The following VWA5B1 variants were observed in gnomAD, a reference collection of about 807,000 sequenced individuals.
VWA5B1 encodes von Willebrand factor A domain-containing protein 5B1.
A neutral mutation model predicts 118.2 loss-of-function variants in VWA5B1; 115 were observed. The ratio of observed to expected loss-of-function variants is 0.97; its 90% CI spans 0.84 to 1.14. The LOEUF (loss-of-function observed/expected upper bound fraction) is 1.14. VWA5B1 is among the 50% of genes most tolerant of loss of function. The pLI is 0.00. For missense variants in VWA5B1, 1,596 were observed against 1,603.8 expected (o/e 1.00, Z 0.08); for synonymous variants, 682 against 658.4 (o/e 1.04, Z -0.55).
intron 1 of VWA5B1, 150 bp from the exon 2 acceptor site, chr1:20,310,426 C>T (rs1213437437): frequency 1.8e-5 from 13 of 722,066 alleles, no homozygotes; most frequent in East Asian, 6.1e-5. Flanking sequence ...AGTTATCCTG[C>T]GGTCACTTCC....
rs532104369 is a variant in VWA5B1, at chr1:20,354,320, G to A, written c.*57G>A. ...GGTGGGGAGGAGAGGGATGGGCAGGGCCATGTCGGCCTGGTTTCGGGGAGC... is the reference window on the plus strand; with the variant it reads ...GGTGGGGAGGAGAGGGATGGGCAGGACCATGTCGGCCTGGTTTCGGGGAGC... On this transcript the variant is annotated 3_prime_UTR_variant, in exon 22 of 22. Transcript: ENST00000289815. 4.2e-5 allele frequency: 62 copies of A among 1,480,772 alleles called. No homozygotes were observed. Among genetic ancestry groups the A allele is most frequent in the Non-Finnish European group, 5.1e-5 (57 of 1,109,406 alleles). 91.7% of individuals were successfully genotyped at this position (1,480,772 alleles called of 1,614,324 possible).
chr1:20,318,356 C>T (rs2089091767), intron 5 of VWA5B1: 1 of 602,908 alleles, frequency 1.7e-6, no homozygotes, highest in Admixed American at 2.6e-5. Flanking sequence ...CCTCCGACCC[C>T]CACTAGATCC....
rs1037050972 is a variant in VWA5B1 at position 20,314,407 on chromosome 1, C to A, written c.378C>A (p.Ile126=). The A allele has an allele frequency of 3.2e-6, 5 of 1,552,016 alleles. No individual in the cohort carries two copies. The highest frequency in any genetic ancestry group is 4.4e-6 in the Non-Finnish European group (5 of 1,147,076). ...CCTTGGACGAGGATTTGGAGCGGAT[C>A]CTGTTCGTGGCCAACCTGGGGACCA... ...KVTLDEDLER[I]LFVANLGTIA... The change falls in exon 4 of 22, where the codon ATC becomes ATA. Residue 126 remains isoleucine (I), a synonymous_variant. Coordinates refer to ENST00000289815, the MANE Select transcript of VWA5B1 (RefSeq NM_001039500.3).
chr1:20,350,133 C>T, intron 18 of VWA5B1, 23 bp from the exon 19 acceptor site: 1 of 1,549,972 alleles, frequency 6.5e-7, no homozygotes, highest in Non-Finnish European at 8.7e-7. Context: ...AGAGGTCCAG[C>T]CTCACTGGCT....
Position 20,310,691 on chromosome 1 carries a change from C to T in VWA5B1, c.90C>T (p.Gly30=), listed in dbSNP as rs1425643627. The change falls in exon 2 of 22, where the codon GGC becomes GGT. Residue 30 remains glycine, a synonymous_variant. Transcript: ENST00000289815. ...VTSCVSGYAL[G]LTASLTYGNL... Reference sequence around the variant, plus strand: ...CCTGTGTCAGCGGTTATGCCCTGGGCCTAACTGCCTCCCTCACCTATGGCA... The same window carrying T: ...CCTGTGTCAGCGGTTATGCCCTGGGTCTAACTGCCTCCCTCACCTATGGCA... 3.2e-6 allele frequency: 5 copies of T among 1,550,898 alleles called. No homozygotes were observed. Among genetic ancestry groups the T allele is most frequent in the Non-Finnish European group, 4.4e-6 (5 of 1,146,778 alleles).
intron 12 of VWA5B1, among the ~76,000 whole-genome samples, chr1:20,334,550 C>T (rs148293549): frequency 0.11 from 16,289 of 152,274 alleles, 1,002 homozygotes; most frequent in Admixed American, 0.14. Context: ...ATGGCTCACG[C>T]CTATAATCCC....
At chr1:20,349,996 A>C (rs1484667226) in intron 18 of VWA5B1, among the ~76,000 whole-genome samples, 160 bp from the exon 19 acceptor site, 1 of 152,022 alleles carries the variant, frequency 6.6e-6, no homozygotes, top group African/African-American at 2.4e-5. Context: ...CAACGGTTAT[A>C]TCTGTGAAAG....
chr1:20,292,410 A>G (rs1485341186), intron 1 of VWA5B1, among the ~76,000 whole-genome samples: 2 of 152,114 alleles, frequency 1.3e-5, no homozygotes, highest in African/African-American at 4.8e-5. Flanking sequence ...GGCTGAGCAC[A>G]TGTGCATGTG....
At chr1:20,311,005 T>C (rs2088832570) in intron 2 of VWA5B1, among the ~76,000 whole-genome samples, 1 of 152,154 alleles carries the variant, frequency 6.6e-6, no homozygotes, top group Non-Finnish European at 1.5e-5. Context: ...CAGAGTCTCA[T>C]TCTGTCGCCC....
chr1:20,341,448 T>C (rs967806533), intron 14 of VWA5B1, among the ~76,000 whole-genome samples: 2 of 152,238 alleles, frequency 1.3e-5, no homozygotes, highest in Non-Finnish European at 1.5e-5. Context: ...ACTCTGTCTT[T>C]CCATTGACCA....
chr1:20,318,786 G>A (rs2089112247), intron 6 of VWA5B1, 65 bp downstream of exon 6: 6 of 1,430,990 alleles, frequency 4.2e-6, no homozygotes, highest in South Asian at 1.5e-5. Flanking sequence ...ATCCTGTGGG[G>A]ACAGAACATG....
At chr1:20,323,608 C>T in intron 8 of VWA5B1, 76 bp downstream of exon 8, 13 of 1,275,668 alleles carry the variant, frequency 1.0e-5, no homozygotes, top group Non-Finnish European at 1.3e-5. Flanking sequence ...ATCCAGCTTC[C>T]TCAGCACTTT....
At chr1:20,291,669 C>G (rs995620510) in intron 1 of VWA5B1, among the ~76,000 whole-genome samples, 12 of 152,120 alleles carry the variant, frequency 7.9e-5, no homozygotes, top group African/African-American at 2.9e-4. Context: ...ACCCCGGCAG[C>G]CGGGCTCATG....
intron 1 of VWA5B1, among the ~76,000 whole-genome samples, chr1:20,301,710 T>C (rs941345388): frequency 6.6e-6 from 1 of 152,168 alleles, no homozygotes; most frequent in African/African-American, 2.4e-5. Flanking sequence ...CGAAGCCACA[T>C]AGAGAATTTA....
chr1:20,304,435 G>A (rs1366069472), intron 1 of VWA5B1, among the ~76,000 whole-genome samples: 4 of 152,122 alleles, frequency 2.6e-5, no homozygotes, highest in Admixed American at 6.5e-5. Flanking sequence ...CGTGGAGGGC[G>A]GTGGCACTGG....
intron 17 of VWA5B1, among the ~76,000 whole-genome samples, chr1:20,346,758 T>G (rs2090016153): frequency 6.6e-6 from 1 of 152,256 alleles, no homozygotes; most frequent in Non-Finnish European, 1.5e-5. Flanking sequence ...GTGCTTTTTT[T>G]GTTTCAAATT....
chr1:20,328,827 T>TA (rs1282380769), intron 9 of VWA5B1, among the ~76,000 whole-genome samples: 1 of 152,136 alleles, frequency 6.6e-6, no homozygotes, highest in Non-Finnish European at 1.5e-5. Context: ...AAATTTTTTT[T>TA]AAAAAATCTC....
Position 20,350,177 on chromosome 1 carries a change from C to T in VWA5B1, c.2900C>T (p.Ala967Val). 1 of 1,551,246 alleles carries T rather than the reference C, an allele frequency of 6.4e-7. No homozygotes were observed. Among genetic ancestry groups the T allele is most frequent in the Non-Finnish European group, 8.7e-7 (1 of 1,146,990 alleles). The change falls in exon 19 of 22, where the codon GCT (alanine) becomes GTT (valine). Residue 967 changes from alanine to valine, a missense_variant. Coordinates refer to ENST00000289815, the MANE Select transcript of VWA5B1 (RefSeq NM_001039500.3). Reference protein sequence around the residue: ...PGNDMEASPTALFSEARSPGR... With the variant: ...PGNDMEASPTVLFSEARSPGR... ...CTAGACATGGAGGCAAGTCCCACTG[C>T]TCTCTTCAGCGAGGCCAGGTCCCCC...
chr1:20,326,551 C>T (rs1362526433), intron 8 of VWA5B1, among the ~76,000 whole-genome samples: 2 of 152,056 alleles, frequency 1.3e-5, no homozygotes, highest in African/African-American at 2.4e-5. Context: ...CTGCAGCCTC[C>T]GCCTCCCGGG....
Sources: gnomAD v4.1 joint callset for allele counts (sites outside exome capture counted in the v4.1 genomes callset) on GRCh38, gnomAD v4.1.1 for gene constraint, MANE v1.5 for transcripts, NCBI Gene and HGNC (gene_info 2026-07-23, HGNC 2026-07-21) for gene names.